SYN2: variants seen among roughly 807,000 people sequenced by gnomAD.
The protein encoded by SYN2 is synapsin-2.
SYN2 carries 19 observed loss-of-function variants against 50.9 expected under a neutral mutation model. The ratio of observed to expected loss-of-function variants is 0.37; its 90% CI spans 0.26 to 0.55. The LOEUF (loss-of-function observed/expected upper bound fraction) is 0.55, where lower values mean the gene tolerates loss of function less well. Ranked by LOEUF, SYN2 falls within the 20% of genes least tolerant of loss-of-function variation. SYN2 has a pLI of 0.81. For missense variants in SYN2, 587 were observed against 576.4 expected (o/e 1.02, Z -0.19); for synonymous variants, 255 against 224.9 (o/e 1.13, Z -1.20).
chr3:12,157,420 C>T, intron 5 of SYN2: 1 of 1,614,160 alleles, frequency 6.2e-7, no homozygotes, highest in Non-Finnish European at 8.5e-7. Context: ...AGCATTTTTT[C>T]AGTGTCAGCA....
rs1464652762 is a variant in SYN2 at position 12,051,364 on chromosome 3, A to T, written c.377+46436A>T. On this transcript the variant is annotated intron_variant, in intron 1 of 12. Coordinates refer to ENST00000621198, the MANE Select transcript of SYN2 (RefSeq NM_133625.6). Reference sequence around the variant, plus strand: ...GTAAAGCAGAGAGTATTTTGCTTAGATATGAGCTGCTACATTGTTCTACAT... The same window carrying T: ...GTAAAGCAGAGAGTATTTTGCTTAGTTATGAGCTGCTACATTGTTCTACAT... Among the ~76,000 whole-genome samples, 3 of 147,716 alleles carry T rather than the reference A, an allele frequency of 2.0e-5. No individual in the cohort carries two copies. In the Admixed American group the frequency reaches 2.0e-4, roughly 10 times the overall value.
intron 1 of SYN2, among the ~76,000 whole-genome samples, chr3:12,136,033 G>A (rs1019604315): frequency 9.8e-5 from 15 of 152,296 alleles, no homozygotes; most frequent in South Asian, 4.1e-4. Context: ...GGTCTGAGGC[G>A]TAGGTGGGGG....
At chr3:12,030,584 A>C (rs1324452084) in intron 1 of SYN2, among the ~76,000 whole-genome samples, 1 of 151,286 alleles carries the variant, frequency 6.6e-6, no homozygotes, top group Non-Finnish European at 1.5e-5. Context: ...CAGAGATTCA[A>C]CTTCTTCCTG....
intron 5 of SYN2, chr3:12,156,808 C>T: frequency 6.2e-7 from 1 of 1,608,944 alleles, no homozygotes. Context: ...AGTTGTTGGT[C>T]TTTTAACTTA....
At chr3:12,163,412 C>A (rs184709383) in intron 7 of SYN2, among the ~76,000 whole-genome samples, 3 of 151,788 alleles carry the variant, frequency 2.0e-5, no homozygotes, top group African/African-American at 4.8e-5. Context: ...CTCTTACCCC[C>A]CCTTTTCACT....
intron 11 of SYN2, 148 bp downstream of exon 11, chr3:12,183,520 C>T: frequency 6.4e-7 from 1 of 1,567,210 alleles, no homozygotes; most frequent in Non-Finnish European, 8.6e-7. Context: ...GGAAAACAGA[C>T]CCTCCCACTG....
chr3:12,167,117 C>T lies in SYN2; in HGVS notation c.981-117C>T, dbSNP rs547961558. On this transcript the variant is annotated intron_variant, in intron 7 of 12. Coordinates refer to ENST00000621198, the MANE Select transcript of SYN2 (RefSeq NM_133625.6). ...GCTCAGCAGACAGACCCCTGGGCTA[C>T]TTGTGGGAGAAGCAGGTGTGGAAAG... is the stretch of plus-strand genomic sequence containing the variant. The T allele has an allele frequency of 4.8e-6, 5 of 1,039,680 alleles. No individual in the cohort carries two copies. In the Admixed American group the frequency reaches 6.1e-5, roughly 13 times the overall value. 64.4% of individuals were successfully genotyped at this position (1,039,680 alleles called of 1,614,324 possible).
At chr3:12,015,117 G>C (rs1463616956) in intron 1 of SYN2, among the ~76,000 whole-genome samples, 1 of 152,152 alleles carries the variant, frequency 6.6e-6, no homozygotes, top group Non-Finnish European at 1.5e-5. Context: ...GTCTTTATTT[G>C]TACTACTTGT....
chr3:12,116,990 A>G (rs958015642), intron 1 of SYN2, among the ~76,000 whole-genome samples: 4 of 152,096 alleles, frequency 2.6e-5, no homozygotes, highest in Non-Finnish European at 5.9e-5. Context: ...AGCTTAAGCA[A>G]TCTTCCTGCC....
chr3:12,137,580 C>T (rs1372087994), intron 1 of SYN2, among the ~76,000 whole-genome samples: 5 of 152,174 alleles, frequency 3.3e-5, no homozygotes, highest in Non-Finnish European at 5.9e-5. Flanking sequence ...AATGCCAATA[C>T]ATGTTTACCA....
intron 3 of SYN2, 89 bp from the exon 4 acceptor site, chr3:12,145,590 C>G: frequency 6.8e-7 from 1 of 1,462,648 alleles, no homozygotes; most frequent in Non-Finnish European, 9.3e-7. Flanking sequence ...AAGCCCTCTT[C>G]TTTATCTTGG....
At chr3:12,120,948 G>A (rs1481865) in intron 1 of SYN2, among the ~76,000 whole-genome samples, 5,095 of 152,080 alleles carry the variant, frequency 0.034, 252 homozygotes, top group African/African-American at 0.11. Flanking sequence ...CCAACCTTGC[G>A]CAATCCCCCT....
chr3:12,028,684 G>T lies in SYN2; in HGVS notation c.377+23756G>T, dbSNP rs1473043427. ...CTGCATAAATGTCTTCTTTTGAGAA[G>T]TGTCTGTTCATGTCCTTCGCCCACT... On this transcript the variant is annotated intron_variant, in intron 1 of 12. Coordinates refer to ENST00000621198, the MANE Select transcript of SYN2 (RefSeq NM_133625.6). Among the ~76,000 whole-genome samples the T allele has an allele frequency of 2.4e-3, 354 of 145,964 alleles. 1 individual carries two copies. The highest frequency in any genetic ancestry group is 8.8e-3 in the African/African-American group (332 of 37,682).
chr3:12,116,480 T>C (rs773849105), intron 1 of SYN2, among the ~76,000 whole-genome samples: 1 of 152,202 alleles, frequency 6.6e-6, no homozygotes, highest in Non-Finnish European at 1.5e-5. Flanking sequence ...AACTTTTTGC[T>C]AGAGAGCTAT....
chr3:12,117,059 G>A (rs1296316821), intron 1 of SYN2, among the ~76,000 whole-genome samples: 1 of 152,064 alleles, frequency 6.6e-6, no homozygotes. Flanking sequence ...CCCGTCTAAG[G>A]CATTCTTGAT....
chr3:12,154,685 G>A (rs979675220), intron 5 of SYN2, among the ~76,000 whole-genome samples: 5 of 152,192 alleles, frequency 3.3e-5, no homozygotes, highest in East Asian at 1.9e-4. Context: ...AGGCCTTTTC[G>A]TTTAGCATGG....
chr3:12,085,365 A>ATGCACG, intron 1 of SYN2, among the ~76,000 whole-genome samples: 1 of 145,882 alleles, frequency 6.9e-6, no homozygotes, highest in South Asian at 2.2e-4. Context: ...ACACACACAC[A>ATGCACG]CACACACACA....
At chr3:12,027,284 G>C (rs571760025) in intron 1 of SYN2, among the ~76,000 whole-genome samples, 1 of 152,286 alleles carries the variant, frequency 6.6e-6, no homozygotes, top group South Asian at 2.1e-4. Context: ...GGAGCAGCGT[G>C]CCTTTTCATT....
At chr3:12,022,992 A>G (rs986615037) in intron 1 of SYN2, among the ~76,000 whole-genome samples, 6 of 152,202 alleles carry the variant, frequency 3.9e-5, no homozygotes, top group Non-Finnish European at 5.9e-5. Context: ...AGAAATGCTT[A>G]CAAGAGTAGT....
Sources: gnomAD v4.1 joint callset for allele counts (sites outside exome capture counted in the v4.1 genomes callset) on GRCh38, gnomAD v4.1.1 for gene constraint, MANE v1.5 for transcripts, NCBI Gene and HGNC (gene_info 2026-07-23, HGNC 2026-07-21) for gene names.